The following MPG variants were observed in gnomAD, a reference collection of about 807,000 sequenced individuals.
MPG encodes DNA-3-methyladenine glycosylase.
In MPG, 33 loss-of-function variants were observed where a neutral mutation model predicts 31.7. That is an observed-to-expected ratio of 1.04 (90% CI 0.79 to 1.39). The LOEUF (loss-of-function observed/expected upper bound fraction) is 1.39. Ranked by LOEUF, MPG falls within the 40% of genes most tolerant of loss-of-function variation. The pLI, the probability that MPG is intolerant of heterozygous loss-of-function variation, is 0.00. For synonymous variants in MPG, 202 were observed against 169.2 expected, an observed-to-expected ratio of 1.19 and a Z score of -1.51; for missense variants, 455 against 415.5, an observed-to-expected ratio of 1.10 and a Z score of -0.83.
intron 2 of MPG, among the ~76,000 whole-genome samples, chr16:82,394 C>T (rs1408673159): frequency 6.6e-6 from 1 of 152,204 alleles, no homozygotes; most frequent in Non-Finnish European, 1.5e-5. Context: ...ACGAGAGGTG[C>T]AGGGGATGTG....
In MPG at chr16:85,801, T is replaced by C. The variant is rs1898439690; in HGVS notation, c.*24T>C. 2.1e-6 allele frequency: 3 copies of C among 1,458,580 alleles called. No homozygotes were observed. Among genetic ancestry groups the C allele is most frequent in the African/African-American group, 2.8e-5 (2 of 70,298 alleles). 90.4% of individuals were successfully genotyped at this position (1,458,580 alleles called of 1,614,324 possible). The stretch of plus-strand genomic sequence containing the variant: ...GAGCAAAGGGCCTGCCCAGACAAGA[T>C]TTTTTAATTGTTTAAAAACCGAATA... On this transcript the variant is annotated 3_prime_UTR_variant, in exon 4 of 4. Transcript: ENST00000356432.
intron 3 of MPG, among the ~76,000 whole-genome samples, chr16:83,702 T>C (rs1162589292): frequency 3.4e-5 from 5 of 148,998 alleles, no homozygotes; most frequent in Non-Finnish European, 4.4e-5. Flanking sequence ...GATCGCGCCA[T>C]TGCACTCCAG....
At position 85,491 on chromosome 16, in the gene MPG, C is replaced by T; in HGVS notation, c.596C>T (p.Thr199Ile). ...RQLRSTLRKGTASRVLKDREL... is the reference protein window; with the variant it reads ...RQLRSTLRKGIASRVLKDREL... ...CTTCGCAGCACCCTCCGGAAAGGCA[C>T]CGCCAGCCGTGTCCTCAAGGACCGC... The change falls in exon 4 of 4, where the codon ACC becomes ATC. Residue 199 changes from threonine to isoleucine, a missense_variant. Transcript: ENST00000356432. The T allele has an allele frequency of 1.2e-6, 2 of 1,613,246 alleles. No individual in the cohort carries two copies. Among genetic ancestry groups the T allele is most frequent in the South Asian group, 1.1e-5 (1 of 91,080 alleles).
intron 2 of MPG, among the ~76,000 whole-genome samples, chr16:82,516 CT>C (rs1212213875): frequency 6.6e-6 from 1 of 152,192 alleles, no homozygotes; most frequent in African/African-American, 2.4e-5. Context: ...GCTGGGCCTA[CT>C]GCTCAGAAAG....
intron 2 of MPG, 43 bp from the exon 3 acceptor site, chr16:83,008 AC>A (rs756110351): frequency 6.7e-7 from 1 of 1,501,082 alleles, no homozygotes; most frequent in Non-Finnish European, 9.0e-7. Flanking sequence ...GGGTGAGTGG[AC>A]CCCCATCCCT....
intron 2 of MPG, among the ~76,000 whole-genome samples, chr16:80,145 C>T (rs1395216110): frequency 1.3e-5 from 2 of 152,248 alleles, no homozygotes; most frequent in Non-Finnish European, 2.9e-5. Flanking sequence ...CTCTGCCAAT[C>T]AGACTTGGAG....
At chr16:79,383 G>C (rs1007933031) in intron 1 of MPG, 42 bp from the exon 2 acceptor site, 1 of 1,613,780 alleles carries the variant, frequency 6.2e-7, no homozygotes, top group Non-Finnish European at 8.5e-7. Context: ...CCACACAGCT[G>C]TCTCCTATTC....
At chr16:82,719 T>A (rs540064106) in intron 2 of MPG, among the ~76,000 whole-genome samples, 2 of 152,210 alleles carry the variant, frequency 1.3e-5, no homozygotes, top group East Asian at 1.9e-4. Context: ...AAAGGAGGAA[T>A]CTGGGGAATG....
At chr16:77,757 C>G (rs1898126769), upstream of MPG, among the ~76,000 whole-genome samples, 1 of 152,200 alleles carries the variant, frequency 6.6e-6, no homozygotes, top group South Asian at 2.1e-4. Flanking sequence ...CGGCCCACTC[C>G]GGACCAGGGC....
intron 2 of MPG, 107 bp downstream of exon 2, chr16:79,807 G>T: frequency 7.8e-7 from 1 of 1,284,234 alleles, no homozygotes. Context: ...AGTCCTCCTT[G>T]TCCTCATGCA....
upstream of MPG, among the ~76,000 whole-genome samples, chr16:77,719 G>A (rs906416729): frequency 2.0e-5 from 3 of 152,184 alleles, no homozygotes; most frequent in Non-Finnish European, 4.4e-5. Context: ...GCACAAGCCT[G>A]GCGTCCACTT....
At chr16:79,317 A>T (rs924955326) in intron 1 of MPG, 108 bp from the exon 2 acceptor site, 7 of 1,609,938 alleles carry the variant, frequency 4.3e-6, no homozygotes, top group South Asian at 1.1e-5. Flanking sequence ...TTTGCAGATG[A>T]AGAAACCAAA....
chr16:79,791 T>A, intron 2 of MPG, 91 bp downstream of exon 2: 1 of 1,398,706 alleles, frequency 7.1e-7, no homozygotes. Context: ...GGATTGGCCC[T>A]CAGTTAGTCC....
chr16:84,249 GA>G (rs1259032864), intron 3 of MPG: 1 of 152,362 alleles, frequency 6.6e-6, no homozygotes, highest in Non-Finnish European at 1.5e-5. Context: ...GGGAATCACA[GA>G]ATGGACGGGA....
At chr16:82,672 GTGCTAAA>G (rs1898282763) in intron 2 of MPG, among the ~76,000 whole-genome samples, 1 of 152,174 alleles carries the variant, frequency 6.6e-6, no homozygotes, top group South Asian at 2.1e-4. Flanking sequence ...GCCTGGCCTC[GTGCTAAA>G]TGCTGATGGT....
At chr16:81,911 C>G (rs1166848474) in intron 2 of MPG, among the ~76,000 whole-genome samples, 117 of 121,386 alleles carry the variant, frequency 9.6e-4, no homozygotes, top group Non-Finnish European at 1.5e-3. Context: ...GAATGCTCCC[C>G]GCGCTGACCC....
intron 3 of MPG, chr16:84,717 G>A (rs1399485802): frequency 6.6e-6 from 1 of 152,396 alleles, no homozygotes; most frequent in African/African-American, 2.4e-5. Context: ...TAGGCTGGAG[G>A]AGGGATCCCA....
intron 2 of MPG, among the ~76,000 whole-genome samples, chr16:81,552 TC>T (rs1022549375): frequency 2.6e-5 from 1 of 37,956 alleles, no homozygotes; most frequent in Non-Finnish European, 6.7e-5. Context: ...CCTAAGGATT[TC>T]TGGGCTTCCC....
chr16:79,693 T>A lies in MPG; in HGVS notation c.293T>A (p.Leu98Gln). ...GCAGTCCCCCTGGCCCGGGCATTTC[T>A]GGGACAGGTAATGTGAACATAGCAG... ...QPAVPLARAF[L>Q]GQVLVRRLPN... The change falls in exon 2 of 4, where the codon CTG becomes CAG. Residue 98 changes from leucine to glutamine, a missense_variant. Coordinates refer to ENST00000356432, the MANE Select transcript of MPG (RefSeq NM_001015052.3). 6.4e-7 allele frequency: 1 copy of A among 1,558,152 alleles called. No homozygotes were observed. The highest frequency in any genetic ancestry group is 8.7e-7 in the Non-Finnish European group (1 of 1,149,744).
Sources: allele counts gnomAD v4.1 joint callset (sites outside exome capture counted in the v4.1 genomes callset), GRCh38; gene constraint gnomAD v4.1.1; transcripts MANE v1.5; gene names NCBI Gene and HGNC (gene_info 2026-07-23, HGNC 2026-07-21).